The following YBX1 variants were observed in gnomAD, a reference collection of about 807,000 sequenced individuals.
YBX1 encodes Y-box binding protein 1.
YBX1 carries 3 observed loss-of-function variants against 41.4 expected under a neutral mutation model. The observed-to-expected ratio is 0.07, with a 90% confidence interval of 0.03 to 0.19. The LOEUF is 0.19. Ranked by LOEUF, YBX1 falls within the 10% of genes least tolerant of loss-of-function variation. The pLI, the probability that YBX1 is intolerant of heterozygous loss-of-function variation, is 1.00. For synonymous variants in YBX1, 133 were observed against 165.8 expected (o/e 0.80, Z 1.52); for missense variants, 274 against 462.8 (o/e 0.59, Z 3.74).
At chr1:42,683,306 G>T in intron 1 of YBX1, 97 bp from the exon 2 acceptor site, 1 of 1,454,342 alleles carries the variant, frequency 6.9e-7, no homozygotes, top group South Asian at 1.1e-5. Flanking sequence ...AGGTGGCCGC[G>T]GCGGCCGGCG....
Position 42,696,258 on chromosome 1 carries a change from T to C in YBX1, c.324T>C (p.Thr108=), listed in dbSNP as rs1270190539. The stretch of plus-strand genomic sequence containing the variant: ...TTCGCAGTGTAGGAGATGGAGAGAC[T>C]GTGGAGTTTGATGTTGTTGAAGGAG... ...KYLRSVGDGE[T]VEFDVVEGEK... Residue 108 remains threonine, a synonymous_variant, in exon 4 of 8, where the codon ACT becomes ACC. Coordinates refer to ENST00000321358, the MANE Select transcript of YBX1 (RefSeq NM_004559.5). The surrounding 1 kb of genome is among the most constrained non-coding windows in gnomAD (Gnocchi z 5.7). 6.2e-7 allele frequency: 1 copy of C among 1,613,500 alleles called. No homozygotes were observed. Among genetic ancestry groups the C allele is most frequent in the South Asian group, 1.1e-5 (1 of 90,998 alleles).
At chr1:42,690,029 A>T (rs968982031) in intron 2 of YBX1, among the ~76,000 whole-genome samples, 1 of 152,124 alleles carries the variant, frequency 6.6e-6, no homozygotes, top group African/African-American at 2.4e-5. Flanking sequence ...CAGCTTTCCT[A>T]GGTTACACAG....
At chr1:42,689,642 A>G (rs1161658465) in intron 2 of YBX1, among the ~76,000 whole-genome samples, 1 of 152,234 alleles carries the variant, frequency 6.6e-6, no homozygotes, top group Admixed American at 6.5e-5. Context: ...ATGCTGGAGT[A>G]GAGTCCGGGA....
intron 2 of YBX1, among the ~76,000 whole-genome samples, chr1:42,688,775 T>C (rs1286129365): frequency 6.6e-6 from 1 of 152,228 alleles, no homozygotes; most frequent in Admixed American, 6.5e-5. Context: ...GTGCTATAGA[T>C]GAGGTCTACA....
At chr1:42,690,244 TTTC>T (rs1650296690) in intron 2 of YBX1, among the ~76,000 whole-genome samples, 1 of 136,130 alleles carries the variant, frequency 7.3e-6, no homozygotes, top group South Asian at 2.3e-4. Flanking sequence ...TTCTTTTTCT[TTTC>T]TTTTTTTTTT....
Position 42,696,249 on chromosome 1 carries a change from T to C in YBX1, c.315T>C (p.Asp105=). ...GGAAGTACCTTCGCAGTGTAGGAGA[T>C]GGAGAGACTGTGGAGTTTGATGTTG... is the stretch of plus-strand genomic sequence containing the variant. ...NPRKYLRSVG[D]GETVEFDVVE... The change falls in exon 4 of 8, where the codon GAT becomes GAC. Residue 105 remains aspartate, a synonymous_variant. Transcript: ENST00000321358. The surrounding 1 kb of genome is among the most constrained non-coding windows in gnomAD (Gnocchi z 5.7). The C allele has an allele frequency of 6.2e-7, 1 of 1,613,472 alleles. No individual in the cohort carries two copies. The highest frequency in any genetic ancestry group is 2.2e-5 in the East Asian group (1 of 44,870).
chr1:42,690,890 G>A (rs1374419021), intron 2 of YBX1, among the ~76,000 whole-genome samples: 1 of 152,188 alleles, frequency 6.6e-6, no homozygotes, highest in Non-Finnish European at 1.5e-5. Context: ...GGGGGAGCTA[G>A]AGCTTACATT....
intron 2 of YBX1, among the ~76,000 whole-genome samples, chr1:42,687,090 T>G (rs1324875743): frequency 6.6e-6 from 1 of 152,212 alleles, no homozygotes; most frequent in African/African-American, 2.4e-5. Flanking sequence ...TTTTCTGCCT[T>G]TCACTATCTA....
rs41307904 is a variant in YBX1, at chr1:42,702,073, C to T, written c.*124C>T. On this transcript the variant is annotated 3_prime_UTR_variant, in exon 8 of 8. Coordinates refer to ENST00000321358, the MANE Select transcript of YBX1 (RefSeq NM_004559.5). The stretch of plus-strand genomic sequence containing the variant: ...AGACCTAAAGTGCTTGCTTTTTGCC[C>T]GTTGACCAGATAAATAGAACTATCT... 1.6e-3 allele frequency: 245 copies of T among 156,686 alleles called. 2 individuals carry two copies. The highest frequency in any genetic ancestry group is 3.4e-3 in the Middle Eastern group (1 of 296). The allele number at this position is 156,686 out of a possible 1,614,324, so 9.7% of individuals were successfully genotyped here. A position where few individuals can be genotyped will look rare whatever the true frequency, so the allele number is the denominator to read the frequency against.
chr1:42,689,991 C>G (rs184784467), intron 2 of YBX1, among the ~76,000 whole-genome samples: 5 of 152,234 alleles, frequency 3.3e-5, no homozygotes, highest in Admixed American at 6.5e-5. Context: ...TAGTTTTTCT[C>G]ATTTTGCAGG....
intron 6 of YBX1, among the ~76,000 whole-genome samples, chr1:42,699,234 T>C (rs1650537130): frequency 6.6e-6 from 1 of 152,158 alleles, no homozygotes; most frequent in African/African-American, 2.4e-5. Context: ...GAAACAAGAA[T>C]ACATGGGCAC....
At chr1:42,685,624 A>G (rs1650175546) in intron 2 of YBX1, among the ~76,000 whole-genome samples, 1 of 152,222 alleles carries the variant, frequency 6.6e-6, no homozygotes, top group Admixed American at 6.5e-5. Flanking sequence ...ACAGACTGAC[A>G]CATAACGTGC....
rs1483030825 is a variant in YBX1 at position 42,702,997 on chromosome 1, G to A, written c.*1048G>A. On this transcript the variant is annotated 3_prime_UTR_variant, in exon 8 of 8. Transcript: ENST00000321358. ...GCTGGAGTACAGTGGCACAATCTTGGCTCACTGCAACCTCCACCTCTAGGT... is the reference window on the plus strand; with the variant it reads ...GCTGGAGTACAGTGGCACAATCTTGACTCACTGCAACCTCCACCTCTAGGT... 6.6e-6 allele frequency among the ~76,000 whole-genome samples: 1 copy of A among 152,140 alleles called. No individual in the cohort carries two copies. Among genetic ancestry groups the A allele is most frequent in the African/African-American group, 2.4e-5 (1 of 41,422 alleles).
chr1:42,694,114 G>C (rs527984409), intron 3 of YBX1, among the ~76,000 whole-genome samples: 1 of 152,154 alleles, frequency 6.6e-6, no homozygotes, highest in South Asian at 2.1e-4. Flanking sequence ...TAAGTGGGGG[G>C]AAGTGTGACA....
rs982356035 is a variant in YBX1 at position 42,682,653 on chromosome 1, A to G, written c.88A>G (p.Thr30Ala). 7.4e-7 allele frequency: 1 copy of G among 1,357,062 alleles called. No individual in the cohort carries two copies. Among genetic ancestry groups the G allele is most frequent in the South Asian group, 1.8e-5 (1 of 56,840 alleles). The allele number at this position is 1,357,062 out of a possible 1,614,324, so 84.1% of individuals were successfully genotyped here. A position where few individuals can be genotyped will look rare whatever the true frequency, so the allele number is the denominator to read the frequency against. ...LSAADTKPGT[T>A]GSGAGSGGPG... is the part of the protein sequence containing the mutation. ...CGCCGCCGACACCAAGCCCGGCACT[A>G]CGGGCAGCGGCGCAGGGAGCGGTGG... The change falls in exon 1 of 8, where the codon ACG becomes GCG. Residue 30 changes from threonine (T) to alanine (A), a missense_variant. Thr to Ala is a moderately conservative substitution (Grantham distance 58). Transcript: ENST00000321358.
rs983734546 is a variant in YBX1, at chr1:42,697,328, C to G, written c.740+66C>G. 4.7e-6 allele frequency: 7 copies of G among 1,481,016 alleles called. No individual in the cohort carries two copies. In the Middle Eastern group the frequency reaches 8.8e-4, roughly 185 times the overall value. The allele number at this position is 1,481,016 out of a possible 1,614,324, so 91.7% of individuals were successfully genotyped here. On this transcript the variant is annotated intron_variant, in intron 6 of 7. Coordinates refer to ENST00000321358, the MANE Select transcript of YBX1 (RefSeq NM_004559.5). ...AACCCGTGTTAGGACTCAGCAATAT[C>G]ATGCCTCTCCTGCAGACTCATTTTT...
Position 42,696,522 on chromosome 1 carries a change from C to CGGGTG in YBX1, c.355-120_355-119insGGGTG. On this transcript the variant is annotated intron_variant, in intron 4 of 7. Transcript: ENST00000321358. The surrounding 1 kb of genome is among the most constrained non-coding windows in gnomAD (Gnocchi z 5.7). ...GGTCACGCAGTTGCGCCCCCCCCCCCTTTTTTTTCCTTAACTTTGTTGTTT... is the reference window on the plus strand; with the variant it reads ...GGTCACGCAGTTGCGCCCCCCCCCCCGGGTGTTTTTTTTCCTTAACTTTGTTGTTT... 5 of 637,564 alleles carry CGGGTG rather than the reference C, an allele frequency of 7.8e-6. No homozygotes were observed. Among genetic ancestry groups the CGGGTG allele is most frequent in the Non-Finnish European group, 1.2e-5 (5 of 420,680 alleles). 39.5% of individuals were successfully genotyped at this position (637,564 alleles called of 1,614,324 possible).
chr1:42,686,923 G>T (rs1017837513), intron 2 of YBX1, among the ~76,000 whole-genome samples: 1 of 152,188 alleles, frequency 6.6e-6, no homozygotes, highest in Non-Finnish European at 1.5e-5. Flanking sequence ...TGCTGTCTCT[G>T]AAATAGACCC....
chr1:42,697,148 C>T (rs1288775933), intron 5 of YBX1, 32 bp from the exon 6 acceptor site: 1 of 1,602,826 alleles, frequency 6.2e-7, no homozygotes, highest in Non-Finnish European at 8.5e-7. Flanking sequence ...TATTACTGAC[C>T]CAGTAGGCTT....
Sources: allele counts gnomAD v4.1 joint callset (sites outside exome capture counted in the v4.1 genomes callset), GRCh38; gene constraint gnomAD v4.1.1; non-coding constraint Gnocchi (gnomAD v3.1); transcripts MANE v1.5; gene names NCBI Gene and HGNC (gene_info 2026-07-23, HGNC 2026-07-21).